The following NLRP14 variants were observed in gnomAD, a reference collection of about 807,000 sequenced individuals.
NLRP14 encodes the protein NLR family pyrin domain containing 14, also known as NACHT, LRR and PYD domains-containing protein 14.
A neutral mutation model predicts 94.7 loss-of-function variants in NLRP14; 105 were observed. That is an observed-to-expected ratio of 1.11 (90% CI 0.95 to 1.30). The LOEUF is 1.30. Ranked by LOEUF, NLRP14 falls within the 50% of genes most tolerant of loss-of-function variation. The pLI, the probability that NLRP14 is intolerant of heterozygous loss-of-function variation, is 0.00. For synonymous variants in NLRP14, 508 were observed against 459.9 expected, an observed-to-expected ratio of 1.10 and a Z score of -1.34; for missense variants, 1,362 against 1,254.1, an observed-to-expected ratio of 1.09 and a Z score of -1.30.
chr11:7,036,841 CTAAG>C (rs890550307), intron 1 of NLRP14, among the ~76,000 whole-genome samples: 1 of 152,058 alleles, frequency 6.6e-6, no homozygotes, highest in African/African-American at 2.4e-5. Context: ...TTGTAAAAGA[CTAAG>C]TGAGATTTGG....
chr11:7,089,675 G>C, the NLRP14 span: 1 of 1,479,882 alleles, frequency 6.8e-7, no homozygotes, highest in Middle Eastern at 2.0e-4. Context: ...TGGCCGTGCG[G>C]GGGCGAGACG....
intron 1 of NLRP14, among the ~76,000 whole-genome samples, chr11:7,030,356 T>C (rs1852072902): frequency 6.6e-6 from 1 of 152,254 alleles, no homozygotes; most frequent in Admixed American, 6.5e-5. Context: ...GTTCCTTAAA[T>C]ATATCGAGTA....
chr11:7,077,562 T>C, the NLRP14 span, among the ~76,000 whole-genome samples: 2 of 152,248 alleles, frequency 1.3e-5, no homozygotes, highest in Non-Finnish European at 2.9e-5. Context: ...GTTTTCAGGC[T>C]GCAGATGAAG....
At position 7,038,585 on chromosome 11, in the gene NLRP14, A is replaced by G; in HGVS notation, c.-2A>G. The G allele has an allele frequency of 1.9e-6, 3 of 1,613,542 alleles. No individual in the cohort carries two copies. The highest frequency in any genetic ancestry group is 8.5e-7 in the Non-Finnish European group (1 of 1,179,944). On this transcript the variant is annotated 5_prime_UTR_variant, in exon 2 of 12. Coordinates refer to ENST00000299481, the MANE Select transcript of NLRP14 (RefSeq NM_176822.4). ...CCACAGAGGCCTGAATATTTGGACA[A>G]GATGGCAGATTCATCATCATCTTCT...
chr11:7,064,797 C>A lies in NLRP14; in HGVS notation c.2975+2294C>A, dbSNP rs554621836. 9.9e-5 allele frequency among the ~76,000 whole-genome samples: 15 copies of A among 152,108 alleles called. No individual in the cohort carries two copies. In the South Asian group the frequency reaches 2.9e-3, roughly 29 times the overall value. ...TAAAAATATATGTAGCTGTAAAGTT[C>A]AATTTTATAATTTTCCTATATACTC... On this transcript the variant is annotated intron_variant, in intron 10 of 11. Coordinates refer to ENST00000299481, the MANE Select transcript of NLRP14 (RefSeq NM_176822.4).
At chr11:7,033,857 T>A (rs949419879) in intron 1 of NLRP14, among the ~76,000 whole-genome samples, 4 of 152,224 alleles carry the variant, frequency 2.6e-5, no homozygotes, top group African/African-American at 9.6e-5. Context: ...TCCCTCACTT[T>A]GTTTTTTCTT....
At chr11:7,028,264 T>C (rs1188536659) in intron 1 of NLRP14, among the ~76,000 whole-genome samples, 2 of 152,196 alleles carry the variant, frequency 1.3e-5, no homozygotes, top group African/African-American at 4.8e-5. Flanking sequence ...TCAATCTCTT[T>C]CTTCCAGATT....
At chr11:7,085,957 A>G in the NLRP14 span, among the ~76,000 whole-genome samples, 2 of 152,220 alleles carry the variant, frequency 1.3e-5, no homozygotes, top group African/African-American at 4.8e-5. Context: ...GTCAATGGAC[A>G]CTTGCATTGC....
At chr11:7,089,236 T>C in the NLRP14 span, 2 of 1,612,704 alleles carry the variant, frequency 1.2e-6, no homozygotes, top group African/African-American at 2.7e-5. Flanking sequence ...GAGGTGCTCC[T>C]GATGAAAGAC....
intron 6 of NLRP14, among the ~76,000 whole-genome samples, chr11:7,053,234 T>G (rs1303086767): frequency 6.6e-6 from 1 of 152,050 alleles, no homozygotes; most frequent in Non-Finnish European, 1.5e-5. Flanking sequence ...AATACCGTAT[T>G]ACTTCAACAT....
intron 6 of NLRP14, among the ~76,000 whole-genome samples, chr11:7,052,996 T>C (rs1306775256): frequency 2.0e-5 from 3 of 152,192 alleles, no homozygotes; most frequent in African/African-American, 7.2e-5. Flanking sequence ...TATATATGTA[T>C]ACACAGCTTC....
At chr11:7,061,898 A>G (rs1358008168) in intron 9 of NLRP14, among the ~76,000 whole-genome samples, 1 of 152,080 alleles carries the variant, frequency 6.6e-6, no homozygotes, top group Non-Finnish European at 1.5e-5. Flanking sequence ...CTTGAATGCC[A>G]TGCAAAGGAC....
intron 3 of NLRP14, among the ~76,000 whole-genome samples, chr11:7,040,925 C>T (rs1305594121): frequency 6.6e-6 from 1 of 152,102 alleles, no homozygotes; most frequent in Non-Finnish European, 1.5e-5. Flanking sequence ...GGCTATTTCC[C>T]TCTTATGTGC....
chr11:7,044,058 C>T (rs6578821), intron 4 of NLRP14, 74 bp downstream of exon 4: 5 of 1,438,332 alleles, frequency 3.5e-6, no homozygotes, highest in South Asian at 2.3e-5. Context: ...AGGGAGGAGG[C>T]GTTTAGCTGA....
chr11:7,073,723 A>G (rs1852834750), downstream of NLRP14, among the ~76,000 whole-genome samples: 1 of 152,218 alleles, frequency 6.6e-6, no homozygotes, highest in Non-Finnish European at 1.5e-5. Flanking sequence ...ATAAGAGAAT[A>G]TTTCAAATGA....
downstream of NLRP14, among the ~76,000 whole-genome samples, chr11:7,074,108 A>G (rs977277007): frequency 6.6e-6 from 1 of 152,218 alleles, no homozygotes; most frequent in Non-Finnish European, 1.5e-5. Context: ...AAATATTCAC[A>G]AAGTTTTAGG....
intron 4 of NLRP14, among the ~76,000 whole-genome samples, chr11:7,045,446 T>C (rs1057221709): frequency 2.0e-5 from 3 of 152,178 alleles, no homozygotes; most frequent in African/African-American, 7.2e-5. Flanking sequence ...ACCCAATGTT[T>C]TAAAAGAAAA....
At chr11:7,022,772 A>G (rs1851964902) in intron 1 of NLRP14, among the ~76,000 whole-genome samples, 2 of 152,208 alleles carry the variant, frequency 1.3e-5, no homozygotes, top group Non-Finnish European at 2.9e-5. Flanking sequence ...TAAGAACAGA[A>G]GCAAACTGGC....
At chr11:7,063,804 C>T (rs936341537) in intron 10 of NLRP14, among the ~76,000 whole-genome samples, 1 of 152,012 alleles carries the variant, frequency 6.6e-6, no homozygotes, top group African/African-American at 2.4e-5. Flanking sequence ...TCAAACATTC[C>T]CACAGGGGTC....
Sources: gnomAD v4.1 joint callset for allele counts (sites outside exome capture counted in the v4.1 genomes callset) on GRCh38, gnomAD v4.1.1 for gene constraint, MANE v1.5 for transcripts, NCBI Gene and HGNC (gene_info 2026-07-23, HGNC 2026-07-21) for gene names.